Variants in SLCO1B1 observed in about 807,000 individuals in gnomAD.
The protein encoded by SLCO1B1 is solute carrier organic anion transporter family member 1B1.
A neutral mutation model predicts 70.1 loss-of-function variants in SLCO1B1; 81 were observed. That is an observed-to-expected ratio of 1.16 (90% CI 0.97 to 1.39). The LOEUF (loss-of-function observed/expected upper bound fraction) is 1.39. Ranked by LOEUF, SLCO1B1 falls within the 40% of genes most tolerant of loss-of-function variation. The pLI is 0.00. For missense variants in SLCO1B1, 895 were observed against 799.6 expected, an observed-to-expected ratio of 1.12 and a Z score of -1.44; for synonymous variants, 283 against 271.5, an observed-to-expected ratio of 1.04 and a Z score of -0.42.
At chr12:21,138,824 T>C (rs183453399) in intron 1 of SLCO1B1, among the ~76,000 whole-genome samples, 1 of 152,266 alleles carries the variant, frequency 6.6e-6, no homozygotes, top group African/African-American at 2.4e-5. Flanking sequence ...GGCAGAAAGC[T>C]TTCTTCTTGG....
Position 21,178,992 on chromosome 12 carries a change from G to T in SLCO1B1, c.699G>T (p.Met233Ile). The T allele has an allele frequency of 2.7e-5, 44 of 1,609,862 alleles. No individual in the cohort carries two copies. The highest frequency in any genetic ancestry group is 3.7e-5 in the Non-Finnish European group (43 of 1,176,528). The change falls in exon 7 of 15, where the codon ATG becomes ATT. Residue 233 changes from methionine to isoleucine, a missense_variant. Physicochemically the swap from Met to Ile is conservative, Grantham distance 10 (BLOSUM62 1). Transcript: ENST00000256958. Reference sequence around the variant, plus strand: ...CCCTGGGATCTCTGTTTTCTAAAATGTACGTGGATATTGGATATGTAGATC... The same window carrying T: ...CCCTGGGATCTCTGTTTTCTAAAATTTACGTGGATATTGGATATGTAGATC... ...GFTLGSLFSK[M>I]YVDIGYVDLS...
intron 2 of SLCO1B1, 34 bp downstream of exon 2, chr12:21,141,692 A>G: frequency 2.2e-6 from 3 of 1,343,830 alleles, no homozygotes; most frequent in Non-Finnish European, 3.2e-6. Context: ...AGCTAAAATA[A>G]GTAAATAGGG....
At chr12:21,150,823 G>A (rs1449691101) in intron 2 of SLCO1B1, among the ~76,000 whole-genome samples, 1 of 152,062 alleles carries the variant, frequency 6.6e-6, no homozygotes, top group Non-Finnish European at 1.5e-5. Flanking sequence ...TAATCTATAT[G>A]TGTTTATATA....
At chr12:21,173,771 C>T (rs1591808482) in intron 3 of SLCO1B1, among the ~76,000 whole-genome samples, 25 of 115,024 alleles carry the variant, frequency 2.2e-4, no homozygotes, top group African/African-American at 3.9e-4. Context: ...GTGGTCATGA[C>T]TTTTTTTTTT....
chr12:21,191,391 A>C (rs1941028005), intron 7 of SLCO1B1, among the ~76,000 whole-genome samples: 1 of 152,052 alleles, frequency 6.6e-6, no homozygotes, highest in Admixed American at 6.6e-5. Flanking sequence ...TTTTAGTGTA[A>C]ATGGAATTGC....
At chr12:21,209,204 C>A (rs199774695) in intron 11 of SLCO1B1, among the ~76,000 whole-genome samples, 36 of 148,578 alleles carry the variant, frequency 2.4e-4, no homozygotes, top group African/African-American at 2.7e-4. Flanking sequence ...GCTATCCCTC[C>A]CCCCTCCTCC....
At chr12:21,195,510 T>G (rs1321996124) in intron 7 of SLCO1B1, among the ~76,000 whole-genome samples, 1 of 152,188 alleles carries the variant, frequency 6.6e-6, no homozygotes, top group Admixed American at 6.5e-5. Context: ...AGTGCTCATG[T>G]GCTAATTTAA....
At chr12:21,165,192 G>GTAGA (rs1210369213) in intron 2 of SLCO1B1, among the ~76,000 whole-genome samples, 1 of 152,160 alleles carries the variant, frequency 6.6e-6, no homozygotes, top group African/African-American at 2.4e-5. Flanking sequence ...TTGCAGGCAA[G>GTAGA]TAGAGACTTT....
At chr12:21,221,654 C>A (rs944116214) in intron 12 of SLCO1B1, among the ~76,000 whole-genome samples, 43 of 151,986 alleles carry the variant, frequency 2.8e-4, no homozygotes, top group Non-Finnish European at 5.3e-4. Flanking sequence ...AAACATATGA[C>A]AAAATGCTCA....
intron 11 of SLCO1B1, among the ~76,000 whole-genome samples, chr12:21,214,596 C>G (rs1335277268): frequency 3.6e-5 from 5 of 140,286 alleles, no homozygotes; most frequent in African/African-American, 1.0e-4. Context: ...CCGCCCACTT[C>G]GAGCTTCCAG....
At chr12:21,197,690 A>T (rs1440099555) in intron 8 of SLCO1B1, among the ~76,000 whole-genome samples, 1 of 152,158 alleles carries the variant, frequency 6.6e-6, no homozygotes, top group Non-Finnish European at 1.5e-5. Flanking sequence ...TATCAGGTGT[A>T]GAGATGGATT....
intron 14 of SLCO1B1, among the ~76,000 whole-genome samples, chr12:21,233,809 A>T (rs1941569235): frequency 6.6e-6 from 1 of 152,214 alleles, no homozygotes; most frequent in African/African-American, 2.4e-5. Flanking sequence ...TGCCAGAGTC[A>T]GCCCACAGTC....
At chr12:21,224,957 CTT>C in intron 14 of SLCO1B1, 118 bp downstream of exon 14, 1 of 597,550 alleles carries the variant, frequency 1.7e-6, no homozygotes, top group Non-Finnish European at 2.9e-6. Context: ...TGAAAACTGA[CTT>C]TGCATGCAGT....
At chr12:21,209,902 G>T (rs1270086506) in intron 11 of SLCO1B1, among the ~76,000 whole-genome samples, 1 of 151,904 alleles carries the variant, frequency 6.6e-6, no homozygotes, top group South Asian at 2.1e-4. Context: ...TTTTTGATGG[G>T]GTTTTTTGTT....
chr12:21,224,336 C>A (rs746866785), intron 13 of SLCO1B1, among the ~76,000 whole-genome samples: 1 of 152,046 alleles, frequency 6.6e-6, no homozygotes, highest in Non-Finnish European at 1.5e-5. Context: ...TTCCTTTCCC[C>A]ATAAAATTGT....
At chr12:21,223,189 G>GA (rs1941447104) in intron 13 of SLCO1B1, among the ~76,000 whole-genome samples, 1 of 151,520 alleles carries the variant, frequency 6.6e-6, no homozygotes, top group Admixed American at 6.6e-5. Flanking sequence ...TAGAAAATAG[G>GA]AAAAAAAATG....
intron 13 of SLCO1B1, among the ~76,000 whole-genome samples, chr12:21,224,064 G>A (rs1374419358): frequency 6.6e-6 from 1 of 152,114 alleles, no homozygotes; most frequent in African/African-American, 2.4e-5. Flanking sequence ...CTTAGCCTAA[G>A]CTGCTTCAGG....
intron 10 of SLCO1B1, among the ~76,000 whole-genome samples, chr12:21,204,569 A>G (rs1450227259): frequency 6.6e-6 from 1 of 151,908 alleles, no homozygotes; most frequent in Non-Finnish European, 1.5e-5. Context: ...TGACTTACAA[A>G]TGGCAAAACT....
rs754640873 is a variant in SLCO1B1, at chr12:21,239,041, T to G, written c.1928T>G (p.Leu643Ter). Reference sequence around the variant, plus strand: ...TCATCACTTGTTTTATATATTATATTAATTTATGCCATGAAGAAAAAATAT... The same window carrying G: ...TCATCACTTGTTTTATATATTATATGAATTTATGCCATGAAGAAAAAATAT... ...RVSSLVLYII[L>*]IYAMKKKYQE... The change falls in exon 15 of 15, where the codon TTA becomes TGA. Residue 643 changes from leucine to a stop codon, truncating the protein, a stop_gained. Transcript: ENST00000256958. LOFTEE classifies it low-confidence loss of function (END_TRUNC). 5 of 1,592,772 alleles carry G rather than the reference T, an allele frequency of 3.1e-6. No individual in the cohort carries two copies. The highest frequency in any genetic ancestry group is 3.4e-6 in the Non-Finnish European group (4 of 1,162,228).
Sources: gnomAD v4.1 joint callset for allele counts (sites outside exome capture counted in the v4.1 genomes callset) on GRCh38, gnomAD v4.1.1 for gene constraint, MANE v1.5 for transcripts, NCBI Gene and HGNC (gene_info 2026-07-23, HGNC 2026-07-21) for gene names.